GRID2: variants seen among roughly 807,000 people sequenced by gnomAD.
GRID2 encodes glutamate receptor ionotropic, delta-2.
GRID2 carries 33 observed loss-of-function variants against 114.8 expected under a neutral mutation model. That is an observed-to-expected ratio of 0.29 (90% CI 0.22 to 0.38). The LOEUF (loss-of-function observed/expected upper bound fraction) is 0.38. Ranked by LOEUF, GRID2 falls within the 10% of genes least tolerant of loss-of-function variation. The pLI is 1.00. For synonymous variants in GRID2, 505 were observed against 449.9 expected, an observed-to-expected ratio of 1.12 and a Z score of -1.55; for missense variants, 1,184 against 1,257.7, an observed-to-expected ratio of 0.94 and a Z score of 0.89.
intron 8 of GRID2, among the ~76,000 whole-genome samples, chr4:93,280,666 G>A (rs918964050): frequency 3.6e-4 from 55 of 151,820 alleles, no homozygotes; most frequent in African/African-American, 1.1e-3. Flanking sequence ...TGAGGGAGGA[G>A]GATTTTTGTT....
chr4:93,578,598 T>TTGTTTTTG (rs1282916437), intron 13 of GRID2, among the ~76,000 whole-genome samples: 1 of 139,102 alleles, frequency 7.2e-6, no homozygotes, highest in African/African-American at 2.8e-5. Context: ...TTTTTTTTTT[T>TTGTTTTTG]TTTTTTTTTT....
At chr4:93,737,693 A>C (rs917050731) in intron 14 of GRID2, among the ~76,000 whole-genome samples, 1 of 152,152 alleles carries the variant, frequency 6.6e-6, no homozygotes, top group East Asian at 1.9e-4. Flanking sequence ...ATTGACCCTC[A>C]TATCGAAAGA....
intron 2 of GRID2, among the ~76,000 whole-genome samples, chr4:92,726,417 T>C (rs1736072423): frequency 6.6e-6 from 1 of 152,092 alleles, no homozygotes; most frequent in Non-Finnish European, 1.5e-5. Context: ...CTGTCATATA[T>C]ATAGTCTTTT....
At chr4:93,290,769 T>C (rs1349102870) in intron 8 of GRID2, among the ~76,000 whole-genome samples, 1 of 152,070 alleles carries the variant, frequency 6.6e-6, no homozygotes, top group Admixed American at 6.5e-5. Context: ...ACAGTAACAT[T>C]TTCAAATAAT....
intron 2 of GRID2, among the ~76,000 whole-genome samples, chr4:93,010,649 A>G (rs1722038695): frequency 6.6e-6 from 1 of 152,322 alleles, no homozygotes; most frequent in Non-Finnish European, 1.5e-5. Flanking sequence ...ATTTCTCACA[A>G]CAACCTAATT....
At chr4:93,038,561 C>T (rs558513118) in intron 2 of GRID2, among the ~76,000 whole-genome samples, 31 of 152,128 alleles carry the variant, frequency 2.0e-4, no homozygotes, top group African/African-American at 6.5e-4. Context: ...GAGGCCGAGG[C>T]GGGTGGATCA....
At chr4:93,552,147 G>A (rs1733824853) in intron 13 of GRID2, among the ~76,000 whole-genome samples, 1 of 150,590 alleles carries the variant, frequency 6.6e-6, no homozygotes, top group Non-Finnish European at 1.5e-5. Flanking sequence ...TTTTGTCCTT[G>A]TGATAGTTTG....
chr4:93,613,197 C>G (rs949922953), intron 13 of GRID2, among the ~76,000 whole-genome samples: 2 of 148,132 alleles, frequency 1.4e-5, no homozygotes, highest in African/African-American at 2.5e-5. Context: ...ATTGGTTATT[C>G]TAGTTATACA....
At chr4:92,384,479 T>TA (rs1491348221) in intron 1 of GRID2, among the ~76,000 whole-genome samples, 41 of 54,428 alleles carry the variant, frequency 7.5e-4, no homozygotes, top group Non-Finnish European at 1.1e-3. Context: ...TATATATATA[T>TA]TATTTATATA....
At chr4:93,175,159 C>A (rs887171601) in intron 4 of GRID2, among the ~76,000 whole-genome samples, 1 of 151,826 alleles carries the variant, frequency 6.6e-6, no homozygotes, top group Non-Finnish European at 1.5e-5. Context: ...TTATTTTAGA[C>A]CTTTTATTTT....
chr4:93,453,316 AAGAGAGAGAGAGAGAGAGAGAG>A (rs3044025), intron 10 of GRID2, among the ~76,000 whole-genome samples: 5 of 127,208 alleles, frequency 3.9e-5, no homozygotes, highest in Non-Finnish European at 8.0e-5. Flanking sequence ...AGAGATGGGA[AAGAGAGAGAGAGAGAGAGAGAG>A]AGAGAGAGAG....
chr4:92,541,154 G>A (rs540962874), intron 1 of GRID2, among the ~76,000 whole-genome samples: 3 of 152,036 alleles, frequency 2.0e-5, no homozygotes, highest in South Asian at 2.1e-4. Flanking sequence ...AGGGTGGGGA[G>A]AGGGGGGAGG....
chr4:92,488,465 G>T (rs992904059), intron 1 of GRID2, among the ~76,000 whole-genome samples: 53 of 152,134 alleles, frequency 3.5e-4, no homozygotes, highest in Non-Finnish European at 7.4e-5. Context: ...GTGCTGGCAT[G>T]AAGGAGGTAA....
At chr4:93,628,634 C>T (rs1742948837) in intron 14 of GRID2, among the ~76,000 whole-genome samples, 1 of 152,046 alleles carries the variant, frequency 6.6e-6, no homozygotes, top group Non-Finnish European at 1.5e-5. Context: ...GGTAAAAGAC[C>T]AGCAGAAATG....
chr4:93,215,807 T>A (rs186148422), intron 5 of GRID2, among the ~76,000 whole-genome samples: 2 of 152,228 alleles, frequency 1.3e-5, no homozygotes, highest in Non-Finnish European at 2.9e-5. Context: ...TAATAATTTC[T>A]TAGATCAAAC....
intron 13 of GRID2, among the ~76,000 whole-genome samples, chr4:93,585,964 G>C (rs998543513): frequency 1.3e-5 from 2 of 151,978 alleles, no homozygotes; most frequent in Admixed American, 6.6e-5. Flanking sequence ...TCATTCTCAT[G>C]TTTTGCACTT....
intron 13 of GRID2, among the ~76,000 whole-genome samples, chr4:93,568,611 G>T (rs189561883): frequency 6.6e-6 from 1 of 152,284 alleles, no homozygotes; most frequent in Non-Finnish European, 1.5e-5. Context: ...GATGCAGTAA[G>T]CACATCATTA....
chr4:92,708,917 CTAAA>C (rs1011737921), intron 2 of GRID2, among the ~76,000 whole-genome samples: 3 of 152,004 alleles, frequency 2.0e-5, no homozygotes, highest in African/African-American at 7.2e-5. Flanking sequence ...AACTCCGTCT[CTAAA>C]TAAATAAATA....
chr4:93,445,238 C>T (rs1429092855), intron 10 of GRID2, among the ~76,000 whole-genome samples: 2 of 151,926 alleles, frequency 1.3e-5, no homozygotes, highest in South Asian at 2.1e-4. Context: ...GAGCACAGAG[C>T]AACAAGAGAA....
Sources: gnomAD v4.1 joint callset for allele counts (sites outside exome capture counted in the v4.1 genomes callset) on GRCh38, gnomAD v4.1.1 for gene constraint, MANE v1.5 for transcripts, NCBI Gene and HGNC (gene_info 2026-07-23, HGNC 2026-07-21) for gene names.